The following C9 variants were observed in gnomAD, a reference collection of about 807,000 sequenced individuals.
C9 encodes complement component C9.
C9 carries 63 observed loss-of-function variants against 65.4 expected under a neutral mutation model. That is an observed-to-expected ratio of 0.96 (90% CI 0.79 to 1.19). The LOEUF (loss-of-function observed/expected upper bound fraction) is 1.19, where lower values mean the gene tolerates loss of function less well. C9 is among the 50% of genes most tolerant of loss of function. C9 has a pLI of 0.00. For synonymous variants in C9, 229 were observed against 227.9 expected, an observed-to-expected ratio of 1.00 and a Z score of -0.04; for missense variants, 744 against 670.1, an observed-to-expected ratio of 1.11 and a Z score of -1.22.
chr5:39,306,439 A>G (rs1240797346), intron 9 of C9, among the ~76,000 whole-genome samples, 178 bp downstream of exon 9: 1 of 152,118 alleles, frequency 6.6e-6, no homozygotes, highest in Non-Finnish European at 1.5e-5. Flanking sequence ...GTCAGCCAGG[A>G]TGGTCTGACT....
chr5:39,305,793 A>C (rs1753362951), intron 9 of C9, among the ~76,000 whole-genome samples: 1 of 152,146 alleles, frequency 6.6e-6, no homozygotes, highest in Non-Finnish European at 1.5e-5. Context: ...AGAAAAAGGA[A>C]AAAAATCTAC....
chr5:39,338,650 T>C (rs1487843540), intron 4 of C9, among the ~76,000 whole-genome samples: 2 of 152,230 alleles, frequency 1.3e-5, no homozygotes, highest in Non-Finnish European at 2.9e-5. Context: ...GTTGATGGAC[T>C]GATTCTATCA....
At chr5:39,318,719 TAGTATTG>T (rs1478665183) in intron 5 of C9, among the ~76,000 whole-genome samples, 13 of 152,228 alleles carry the variant, frequency 8.5e-5, no homozygotes, top group African/African-American at 3.1e-4. Flanking sequence ...GGACTGGATT[TAGTATTG>T]AGTGGTTGTT....
chr5:39,300,406 G>T (rs1457546903), intron 9 of C9, among the ~76,000 whole-genome samples: 1 of 151,600 alleles, frequency 6.6e-6, no homozygotes, highest in Non-Finnish European at 1.5e-5. Flanking sequence ...AGTGAGACTC[G>T]ATCTTTAAAA....
chr5:39,304,439 T>C (rs1403390716), intron 9 of C9, among the ~76,000 whole-genome samples: 2 of 152,128 alleles, frequency 1.3e-5, no homozygotes, highest in East Asian at 1.9e-4. Flanking sequence ...TGATCATAGA[T>C]TGTGTAATTG....
At chr5:39,356,823 A>T (rs1754420834) in intron 1 of C9, among the ~76,000 whole-genome samples, 2 of 152,198 alleles carry the variant, frequency 1.3e-5, no homozygotes, top group South Asian at 4.1e-4. Context: ...CACTCAGCAG[A>T]TCATCTTTTG....
chr5:39,304,653 C>A (rs917954096), intron 9 of C9, among the ~76,000 whole-genome samples: 1 of 152,068 alleles, frequency 6.6e-6, no homozygotes, highest in Non-Finnish European at 1.5e-5. Flanking sequence ...AAAAGTGGTC[C>A]ATAGTGAACT....
chr5:39,306,604 A>G lies in C9; in HGVS notation c.1416+13T>C. ...GACACAGTCTTCTGTTTGAAAATAA[A>G]CACGTTTCTTACTTTTTGACTAATG... is the stretch of plus-strand genomic sequence containing the variant. On this transcript the variant is annotated intron_variant, in intron 9 of 10. Coordinates refer to ENST00000263408, the MANE Select transcript of C9 (RefSeq NM_001737.5). The G allele has an allele frequency of 1.2e-6, 2 of 1,602,154 alleles. No individual in the cohort carries two copies. Among genetic ancestry groups the G allele is most frequent in the Non-Finnish European group, 8.6e-7 (1 of 1,169,196 alleles).
At chr5:39,310,527 T>C (rs995177432) in intron 7 of C9, among the ~76,000 whole-genome samples, 7 of 152,122 alleles carry the variant, frequency 4.6e-5, no homozygotes, top group Admixed American at 4.6e-4. Context: ...CAGACATTGA[T>C]AATTAACCAT....
At chr5:39,348,179 T>A (rs1280145927) in intron 1 of C9, among the ~76,000 whole-genome samples, 1 of 151,924 alleles carries the variant, frequency 6.6e-6, no homozygotes, top group Non-Finnish European at 1.5e-5. Flanking sequence ...TGGGATCTAA[T>A]TAAACTAAAG....
At chr5:39,301,407 AG>A (rs1753278861) in intron 9 of C9, among the ~76,000 whole-genome samples, 1 of 152,038 alleles carries the variant, frequency 6.6e-6, no homozygotes, top group South Asian at 2.1e-4. Flanking sequence ...GAAAAAAAAA[AG>A]GTTAAGGGAA....
intron 9 of C9, among the ~76,000 whole-genome samples, chr5:39,303,009 T>C (rs1044087672): frequency 6.6e-6 from 1 of 152,166 alleles, no homozygotes; most frequent in Non-Finnish European, 1.5e-5. Flanking sequence ...TTTCTAATAA[T>C]GGAAAAACAA....
intron 6 of C9, among the ~76,000 whole-genome samples, chr5:39,315,458 T>C (rs1753552709): frequency 6.6e-6 from 1 of 152,194 alleles, no homozygotes; most frequent in African/African-American, 2.4e-5. Flanking sequence ...CCAGAATTCT[T>C]CAGTATAATT....
In C9 at chr5:39,342,115, T is replaced by A; in HGVS notation, c.159A>T (p.Gln53His). 6.3e-7 allele frequency: 1 copy of A among 1,599,500 alleles called. No individual in the cohort carries two copies. The highest frequency in any genetic ancestry group is 8.6e-7 in the Non-Finnish European group (1 of 1,166,556). ...CRMSPWSEWS[Q>H]CDPCLRQMFR... ...CCATTTGTCTGAGACAAGGATCGCATTGTGACCATTCACTCCAGGGGCTCA... is the reference window on the plus strand; with the variant it reads ...CCATTTGTCTGAGACAAGGATCGCAATGTGACCATTCACTCCAGGGGCTCA... Residue 53 changes from glutamine to histidine, a missense_variant, in exon 2 of 11, where the codon CAA becomes CAT. By Grantham distance (24) the Gln-to-His change is conservative (BLOSUM62 0). Transcript: ENST00000263408.
At chr5:39,336,647 T>C (rs1753971372) in intron 4 of C9, among the ~76,000 whole-genome samples, 1 of 152,132 alleles carries the variant, frequency 6.6e-6, no homozygotes, top group Non-Finnish European at 1.5e-5. Context: ...ATTCATTCAT[T>C]CATGGTGCTA....
intron 5 of C9, among the ~76,000 whole-genome samples, chr5:39,321,381 T>C (rs976089189): frequency 6.6e-6 from 1 of 152,096 alleles, no homozygotes; most frequent in South Asian, 2.1e-4. Flanking sequence ...GTAAGCTGCA[T>C]GGTAACTCAT....
chr5:39,291,558 C>G (rs1378300808), intron 9 of C9, among the ~76,000 whole-genome samples: 1 of 151,500 alleles, frequency 6.6e-6, no homozygotes, highest in Non-Finnish European at 1.5e-5. Context: ...TGAAAAACAA[C>G]AAGATATCTT....
Position 39,341,620 on chromosome 5 carries a change from A to G in C9, c.264T>C (p.Cys88=), listed in dbSNP as rs775753687. 1 of 1,613,500 alleles carries G rather than the reference A, an allele frequency of 6.2e-7. No individual in the cohort carries two copies. The highest frequency in any genetic ancestry group is 8.5e-7 in the Non-Finnish European group (1 of 1,179,380). ...CATCCTCACAGGGCTCTGTGGGCAC[A>G]CACTGTCGTCTGTCTCCCACAGCGT... The part of the protein sequence containing the change: ...CTDAVGDRRQ[C]VPTEPCEDAE... Residue 88 remains cysteine, a synonymous_variant, in exon 3 of 11, where the codon TGT becomes TGC. Coordinates refer to ENST00000263408, the MANE Select transcript of C9 (RefSeq NM_001737.5).
chr5:39,333,242 A>G (rs1023508312), intron 4 of C9, among the ~76,000 whole-genome samples: 7 of 152,064 alleles, frequency 4.6e-5, no homozygotes, highest in Non-Finnish European at 8.8e-5. Context: ...CCTTGCCATG[A>G]CCTCATCACC....
Sources: gnomAD v4.1 joint callset for allele counts (sites outside exome capture counted in the v4.1 genomes callset) on GRCh38, gnomAD v4.1.1 for gene constraint, MANE v1.5 for transcripts, NCBI Gene and HGNC (gene_info 2026-07-23, HGNC 2026-07-21) for gene names.